The following NRBP1 variants were observed in gnomAD, a reference collection of about 807,000 sequenced individuals.
The protein encoded by NRBP1 is nuclear receptor binding protein 1.
A neutral mutation model predicts 76.0 loss-of-function variants in NRBP1; 10 were observed. That is an observed-to-expected ratio of 0.13 (90% CI 0.08 to 0.22). The LOEUF (loss-of-function observed/expected upper bound fraction) is 0.22. Among genes scored for constraint, NRBP1 ranks in the 10% least tolerant of loss-of-function variants. The pLI, the probability that NRBP1 is intolerant of heterozygous loss-of-function variation, is 1.00. For missense variants in NRBP1, 344 were observed against 646.0 expected (o/e 0.53, Z 5.07); for synonymous variants, 235 against 240.2 (o/e 0.98, Z 0.20).
chr2:27,441,291 G>A lies in NRBP1; in HGVS notation c.1408G>A (p.Asp470Asn). ...GCTGACACTTCTGCTGAAGTTGGAG[G>A]ACAAACTGAACCGGCACCTGAGCTG... is the stretch of plus-strand genomic sequence containing the variant. ...HHLTLLLKLE[D>N]KLNRHLSCDL... is the part of the protein sequence containing the mutation. Residue 470 changes from aspartate (D) to asparagine (N), a missense_variant, in exon 16 of 18, where the codon GAC becomes AAC. Around this residue, in one of 3 missense-constraint regions of NRBP1, gnomAD observed 218 missense variants for 309.8 expected, o/e 0.70. Coordinates refer to ENST00000379852, the MANE Select transcript of NRBP1 (RefSeq NM_013392.4). 6.2e-7 allele frequency: 1 copy of A among 1,614,108 alleles called. No homozygotes were observed. The highest frequency in any genetic ancestry group is 8.5e-7 in the Non-Finnish European group (1 of 1,180,010).
In NRBP1 at chr2:27,435,242, AG is replaced by A; in HGVS notation, c.661+17del. The A allele has an allele frequency of 6.2e-7, 1 of 1,610,086 alleles. No individual in the cohort carries two copies. The highest frequency in any genetic ancestry group is 8.5e-7 in the Non-Finnish European group (1 of 1,176,744). On this transcript the variant is annotated intron_variant, in intron 7 of 17. Transcript: ENST00000379852. ...GATTGGCTCTGGTGAGGGGAGGGAG[AG>A]GTTCTGGGCAGGGGAGCCTCGGGAA... is the stretch of plus-strand genomic sequence containing the variant.
Position 27,433,371 on chromosome 2 carries a change from C to T in NRBP1, c.98C>T (p.Pro33Leu), listed in dbSNP as rs1385700397. Residue 33 changes from proline to leucine, a missense_variant, in exon 2 of 18, where the codon CCT becomes CTT. Physicochemically the swap from Pro to Leu is moderately conservative, Grantham distance 98. Around this residue, in one of 3 missense-constraint regions of NRBP1, gnomAD observed 53 missense variants for 48.4 expected, o/e 1.09. Transcript: ENST00000379852. ...SAPGLTSVSPPVTSTTSAASP... is the reference protein window; with the variant it reads ...SAPGLTSVSPLVTSTTSAASP... ...CCTGGCCTGACATCAGTGTCACCTCCTGTGACCTCCACAACCTCAGCTGCT... is the reference window on the plus strand; with the variant it reads ...CCTGGCCTGACATCAGTGTCACCTCTTGTGACCTCCACAACCTCAGCTGCT... 1.9e-6 allele frequency: 3 copies of T among 1,614,106 alleles called. No individual in the cohort carries two copies. The highest frequency in any genetic ancestry group is 3.3e-5 in the Admixed American group (2 of 60,014).
rs151337107 is a variant in NRBP1, at chr2:27,435,560, A to C, written c.661+333A>C. ...GAGGTTCCAGGCTGTTCCTGCTGTG[A>C]GTGCTTTCGTTTGCTGTGTATTGTA... On this transcript the variant is annotated intron_variant, in intron 7 of 17. Coordinates refer to ENST00000379852, the MANE Select transcript of NRBP1 (RefSeq NM_013392.4). 3 of 659,046 alleles carry C rather than the reference A, an allele frequency of 4.6e-6. No individual in the cohort carries two copies. In the South Asian group the frequency reaches 5.1e-5, roughly 11 times the overall value. 40.8% of individuals were successfully genotyped at this position (659,046 alleles called of 1,614,324 possible).
At chr2:27,439,031 G>A (rs1232028354) in intron 10 of NRBP1, among the ~76,000 whole-genome samples, 1 of 152,142 alleles carries the variant, frequency 6.6e-6, no homozygotes, top group Non-Finnish European at 1.5e-5. Flanking sequence ...TTCAGTGATT[G>A]TGGGCAAAGG....
Position 27,436,831 on chromosome 2 carries a change from A to G in NRBP1, c.740A>G (p.Tyr247Cys). 6.2e-7 allele frequency: 1 copy of G among 1,613,966 alleles called. No homozygotes were observed. The highest frequency in any genetic ancestry group is 8.5e-7 in the Non-Finnish European group (1 of 1,179,794). The change falls in exon 8 of 18, where the codon TAT becomes TGT. Residue 247 changes from tyrosine to cysteine, a missense_variant. Coordinates refer to ENST00000379852, the MANE Select transcript of NRBP1 (RefSeq NM_013392.4). ...QKNLHFFAPE[Y>C]GEVTNVTTAV... The stretch of plus-strand genomic sequence containing the variant: ...AATCTACACTTCTTTGCACCAGAGT[A>G]TGGAGGTGAGCCTTCCTGCTTTCTC...
Position 27,441,917 on chromosome 2 carries a change from C to T in NRBP1, c.*105C>T, listed in dbSNP as rs780111. 1.6e-3 allele frequency: 1,119 copies of T among 717,858 alleles called. 6 individuals carry two copies. The African/African-American group carries it at 0.018, about 11-fold the overall frequency. The allele number at this position is 717,858 out of a possible 1,614,324, so 44.5% of individuals were successfully genotyped here. A position where few individuals can be genotyped will look rare whatever the true frequency, so the allele number is the denominator to read the frequency against. The stretch of plus-strand genomic sequence containing the variant: ...CAGTATTACCCTGTGAAGCCCCTTC[C>T]CTCCTTTATTATTCAGGAGGGCTGG... On this transcript the variant is annotated 3_prime_UTR_variant, in exon 18 of 18. Transcript: ENST00000379852.
chr2:27,439,992 ATTCTTTTTTTTTT>A, intron 11 of NRBP1, 94 bp downstream of exon 11: 2 of 234,438 alleles, frequency 8.5e-6, no homozygotes, highest in South Asian at 5.3e-5. Flanking sequence ...TTCCAAAGGG[ATTCTTTTTTTTTT>A]TTTTTTTTTT....
Position 27,433,498 on chromosome 2 carries a change from C to CAGTT in NRBP1, c.210+17_210+20dup. On this transcript the variant is annotated intron_variant, in intron 2 of 17. Coordinates refer to ENST00000379852, the MANE Select transcript of NRBP1 (RefSeq NM_013392.4). ...GGCGAGAAGAGGTAAGGTTATGGTA[C>CAGTT]AGTTACTCTTGGGTGAGTGAATTCT... 6.2e-7 allele frequency: 1 copy of CAGTT among 1,612,944 alleles called. No homozygotes were observed. The highest frequency in any genetic ancestry group is 8.5e-7 in the Non-Finnish European group (1 of 1,179,430).
In NRBP1 at chr2:27,442,039, C is replaced by A; in HGVS notation, c.*227C>A. The A allele has an allele frequency of 5.5e-6, 3 of 540,712 alleles. No individual in the cohort carries two copies. The South Asian group carries it at 8.2e-5, about 15-fold the overall frequency. 33.5% of individuals were successfully genotyped at this position (540,712 alleles called of 1,614,324 possible). A position where few individuals can be genotyped will look rare whatever the true frequency, so the allele number is the denominator to read the frequency against. ...GTTTTGCACAGACGTGGGCCTGGGC[C>A]TTCTCAGCAGCCGCCTTCTAGTTGG... On this transcript the variant is annotated 3_prime_UTR_variant, in exon 18 of 18. Coordinates refer to ENST00000379852, the MANE Select transcript of NRBP1 (RefSeq NM_013392.4).
Position 27,436,823 on chromosome 2 carries a change from A to C in NRBP1, c.732A>C (p.Ala244=), listed in dbSNP as rs770123421. The stretch of plus-strand genomic sequence containing the variant: ...AGCAGAAGAATCTACACTTCTTTGC[A>C]CCAGAGTATGGAGGTGAGCCTTCCT... ...REEQKNLHFF[A]PEYGEVTNVT... The change falls in exon 8 of 18, where the codon GCA becomes GCC. Residue 244 remains alanine (A), a synonymous_variant. Transcript: ENST00000379852. 3.1e-6 allele frequency: 5 copies of C among 1,613,986 alleles called. No individual in the cohort carries two copies. The East Asian group carries it at 8.9e-5, about 29-fold the overall frequency.
rs945302408 is a variant in NRBP1 at position 27,442,153 on chromosome 2, TGGGGCGGCCGGGGC to T, written c.*345_*358del. On this transcript the variant is annotated 3_prime_UTR_variant, in exon 18 of 18. Coordinates refer to ENST00000379852, the MANE Select transcript of NRBP1 (RefSeq NM_013392.4). ...GGGGAGCCGAATTCTACAATCCCGC[TGGGGCGGCCGGGGC>T]GGGAGAGAAAGGTGGTGCTGCAGTG... The T allele has an allele frequency of 1.9e-6, 1 of 531,426 alleles. No individual in the cohort carries two copies. The highest frequency in any genetic ancestry group is 2.0e-5 in the African/African-American group (1 of 49,552). The allele number at this position is 531,426 out of a possible 1,614,324, so 32.9% of individuals were successfully genotyped here. A position where few individuals can be genotyped will look rare whatever the true frequency, so the allele number is the denominator to read the frequency against.
rs531141250 is a variant in NRBP1, at chr2:27,441,580, C to G, written c.1461C>G (p.Pro487=). ...TTTCTTTGTCAGATGAGAATATCCC[C>G]GAGTTGGCGGCTGAGCTGGTGCAGC... ...SCDLMPNENI[P]ELAAELVQLG... The change falls in exon 17 of 18, where the codon CCC becomes CCG. Residue 487 remains proline, a synonymous_variant. Coordinates refer to ENST00000379852, the MANE Select transcript of NRBP1 (RefSeq NM_013392.4). 2.0e-5 allele frequency: 32 copies of G among 1,614,140 alleles called. No individual in the cohort carries two copies. Among genetic ancestry groups the G allele is most frequent in the Admixed American group, 1.0e-4 (6 of 60,018 alleles).
chr2:27,434,930 C>T (rs891136705), intron 6 of NRBP1, 168 bp downstream of exon 6: 6 of 708,890 alleles, frequency 8.5e-6, no homozygotes, highest in Non-Finnish European at 1.5e-5. Flanking sequence ...CGTCCTAATG[C>T]CCTAACCACG....
intron 1 of NRBP1, among the ~76,000 whole-genome samples, chr2:27,430,374 T>G (rs1486083512): frequency 6.6e-6 from 1 of 152,156 alleles, no homozygotes; most frequent in East Asian, 1.9e-4. Flanking sequence ...TGTGGGCTTT[T>G]CAAAAGATTG....
At chr2:27,430,268 T>C (rs1356829377) in intron 1 of NRBP1, among the ~76,000 whole-genome samples, 1 of 152,132 alleles carries the variant, frequency 6.6e-6, no homozygotes, top group Admixed American at 6.5e-5. Flanking sequence ...TTTACTAGAC[T>C]GTCTTCTAAT....
At chr2:27,434,359 G>A (rs1664228686) in intron 4 of NRBP1, 112 bp from the exon 5 acceptor site, 1 of 849,486 alleles carries the variant, frequency 1.2e-6, no homozygotes, top group Non-Finnish European at 1.9e-6. Context: ...AGTAAGTAAA[G>A]CTAAGAACAA....
At chr2:27,428,360 C>A (rs1035891711), upstream of NRBP1, 10 of 315,786 alleles carry the variant, frequency 3.2e-5, no homozygotes, top group Non-Finnish European at 5.2e-5. Flanking sequence ...GGTAGGAGGC[C>A]CTCTCTGCGT....
intron 8 of NRBP1, 50 bp downstream of exon 8, chr2:27,436,886 C>G (rs202125671): frequency 1.3e-6 from 2 of 1,549,180 alleles, no homozygotes; most frequent in Non-Finnish European, 8.9e-7. Context: ...TGCTTTTGCA[C>G]CTTATAACTT....
intron 6 of NRBP1, 95 bp downstream of exon 6, chr2:27,434,857 TC>T (rs773909355): frequency 3.3e-5 from 43 of 1,290,428 alleles, no homozygotes; most frequent in Non-Finnish European, 4.5e-5. Flanking sequence ...ATTCTGCCTC[TC>T]CCCACTTTCT....
Sources: gnomAD v4.1 joint callset for allele counts (sites outside exome capture counted in the v4.1 genomes callset) on GRCh38, gnomAD v4.1.1 for gene constraint, gnomAD v4.1.1 regional missense constraint, MANE v1.5 for transcripts, NCBI Gene and HGNC (gene_info 2026-07-23, HGNC 2026-07-21) for gene names.